Variants in IL34 observed in about 807,000 individuals in gnomAD.
IL34 encodes the protein interleukin 34.
A neutral mutation model predicts 25.3 loss-of-function variants in IL34; 17 were observed. The observed-to-expected ratio is 0.67, with a 90% CI of 0.46 to 1.01. The LOEUF (loss-of-function observed/expected upper bound fraction) is 1.01, where lower values mean the gene tolerates loss of function less well. Among genes scored for constraint, IL34 ranks in the 50% least tolerant of loss-of-function variants. The pLI is 0.00. For synonymous variants in IL34, 174 were observed against 140.9 expected, an observed-to-expected ratio of 1.23 and a Z score of -1.66; for missense variants, 368 against 312.9, an observed-to-expected ratio of 1.18 and a Z score of -1.33.
At chr16:70,648,093 C>T (rs1412245431) in intron 1 of IL34, among the ~76,000 whole-genome samples, 1 of 152,158 alleles carries the variant, frequency 6.6e-6, no homozygotes, top group Non-Finnish European at 1.5e-5. Context: ...AGTGTGCCTC[C>T]CTCCCCATAG....
chr16:70,589,490 A>G (rs2050728676), intron 1 of IL34, among the ~76,000 whole-genome samples: 1 of 152,030 alleles, frequency 6.6e-6, no homozygotes, highest in African/African-American at 2.4e-5. Context: ...AAAGTGCAGT[A>G]TTTGGTTTTC....
chr16:70,656,763 C>A, intron 3 of IL34, 84 bp downstream of exon 3: 2 of 951,360 alleles, frequency 2.1e-6, no homozygotes, highest in Non-Finnish European at 3.4e-6. Flanking sequence ...CTGGGACTGG[C>A]AGGTGGTGCT....
intron 1 of IL34, among the ~76,000 whole-genome samples, chr16:70,620,639 G>A (rs1479285551): frequency 6.6e-6 from 1 of 152,208 alleles, no homozygotes; most frequent in Non-Finnish European, 1.5e-5. Flanking sequence ...ATTGGGCACA[G>A]AGACTAGGAA....
Position 70,601,540 on chromosome 16 carries a change from T to C in IL34, c.-401+21491T>C, listed in dbSNP as rs371923493. ...AATTCTCCCACCTCAGCCTCATGAA[T>C]AGCTGGTACCACCCTGCCCGGCTAT... is the stretch of plus-strand genomic sequence containing the variant. On this transcript the variant is annotated intron_variant, in intron 1 of 6. Transcript: ENST00000429149. Among the ~76,000 whole-genome samples, 36 of 152,296 alleles carry C rather than the reference T, an allele frequency of 2.4e-4. No homozygotes were observed. The East Asian group carries it at 3.5e-3, about 15-fold the overall frequency.
Position 70,659,619 on chromosome 16 carries a change from A to C in IL34, c.404A>C (p.Asp135Ala). 2 of 1,605,294 alleles carry C rather than the reference A, an allele frequency of 1.2e-6. No individual in the cohort carries two copies. Among genetic ancestry groups the C allele is most frequent in the Non-Finnish European group, 1.7e-6 (2 of 1,173,780 alleles). ...LLLNVQQGLT[D>A]VEVSPKVESV... ...TCCTGACTGTTTCCTCCTTTCCAGGATGTGGAGGTCAGCCCCAAGGTGGAA... is the reference window on the plus strand; with the variant it reads ...TCCTGACTGTTTCCTCCTTTCCAGGCTGTGGAGGTCAGCCCCAAGGTGGAA... The change falls in exon 5 of 6, where the codon GAT (aspartate) becomes GCT (alanine). Residue 135 changes from aspartate to alanine, a missense_variant and splice_region_variant. Physicochemically the swap from Asp to Ala is moderately radical, Grantham distance 126. Coordinates refer to ENST00000288098, the MANE Select transcript of IL34 (RefSeq NM_001393494.1).
intron 4 of IL34, among the ~76,000 whole-genome samples, chr16:70,658,555 C>G (rs555335420): frequency 1.3e-4 from 20 of 152,066 alleles, no homozygotes; most frequent in Non-Finnish European, 2.6e-4. Context: ...AATCTTGGCT[C>G]ACTGCAACCT....
intron 1 of IL34, among the ~76,000 whole-genome samples, chr16:70,592,084 C>T (rs187061180): frequency 0.034 from 2,010 of 58,948 alleles, 35 homozygotes; most frequent in African/African-American, 0.11. Context: ...CCTTCTACTC[C>T]CCCCACCACC....
intron 5 of IL34, 40 bp downstream of exon 5, chr16:70,659,793 C>G: frequency 6.4e-7 from 1 of 1,573,598 alleles, no homozygotes; most frequent in Non-Finnish European, 8.7e-7. Flanking sequence ...GGGTGGGAGG[C>G]CAGGCATCTG....
chr16:70,599,452 G>T (rs1221173652), intron 1 of IL34, among the ~76,000 whole-genome samples: 3 of 151,042 alleles, frequency 2.0e-5, no homozygotes, highest in African/African-American at 4.9e-5. Flanking sequence ...TGCCTCCCGG[G>T]TTCAAGCGAT....
chr16:70,626,942 T>C (rs2151844888), intron 1 of IL34, among the ~76,000 whole-genome samples: 1 of 152,322 alleles, frequency 6.6e-6, no homozygotes, highest in Admixed American at 6.5e-5. Flanking sequence ...TTTCTGTTCA[T>C]GTTCATTCAA....
At chr16:70,625,884 A>T (rs576276886) in intron 1 of IL34, among the ~76,000 whole-genome samples, 32 of 152,200 alleles carry the variant, frequency 2.1e-4, no homozygotes, top group Non-Finnish European at 4.4e-4. Flanking sequence ...GAAATTGGTG[A>T]GATGTTTCTT....
chr16:70,656,374 C>T (rs760493898), intron 2 of IL34, among the ~76,000 whole-genome samples: 1 of 152,174 alleles, frequency 6.6e-6, no homozygotes, highest in South Asian at 2.1e-4. Context: ...AAAAAATCAT[C>T]TGGGCGTGGT....
At chr16:70,620,708 TACA>T (rs1294456834) in intron 1 of IL34, among the ~76,000 whole-genome samples, 4 of 140,560 alleles carry the variant, frequency 2.8e-5, no homozygotes, top group Non-Finnish European at 6.2e-5. Context: ...CTGCGTATTT[TACA>T]ACAAGAATTA....
intron 1 of IL34, among the ~76,000 whole-genome samples, chr16:70,621,588 G>A (rs1235550334): frequency 2.0e-5 from 3 of 152,098 alleles, no homozygotes; most frequent in Non-Finnish European, 2.9e-5. Context: ...GAGGTCCCCC[G>A]ATCCGAGTCA....
upstream of IL34, among the ~76,000 whole-genome samples, chr16:70,642,894 T>C (rs2051819692): frequency 6.6e-6 from 1 of 151,990 alleles, no homozygotes; most frequent in Non-Finnish European, 1.5e-5. Flanking sequence ...AGAAAGAATA[T>C]TAGTGGCTGC....
At chr16:70,645,017 G>A (rs1229304749), upstream of IL34, among the ~76,000 whole-genome samples, 7 of 144,440 alleles carry the variant, frequency 4.8e-5, no homozygotes, top group East Asian at 1.4e-3. Flanking sequence ...AGAGGAGGAA[G>A]GAGGAGAAGG....
chr16:70,614,183 CAAAAA>C (rs35356831), intron 1 of IL34, among the ~76,000 whole-genome samples: 1 of 131,130 alleles, frequency 7.6e-6, no homozygotes. Context: ...AACCCTGTCT[CAAAAA>C]AAAAAAAAAA....
chr16:70,647,633 A>C (rs2051972933), intron 1 of IL34, among the ~76,000 whole-genome samples: 2 of 152,158 alleles, frequency 1.3e-5, no homozygotes, highest in Admixed American at 6.5e-5. Flanking sequence ...GGTGCCTCCC[A>C]CGTGCCCACT....
At chr16:70,658,761 T>C (rs1237040894) in intron 4 of IL34, among the ~76,000 whole-genome samples, 1 of 152,150 alleles carries the variant, frequency 6.6e-6, no homozygotes, top group South Asian at 2.1e-4. Context: ...TGAACCACCA[T>C]TCCTGGCCGT....
Sources: gnomAD v4.1 joint callset for allele counts (sites outside exome capture counted in the v4.1 genomes callset) on GRCh38, gnomAD v4.1.1 for gene constraint, MANE v1.5 for transcripts, NCBI Gene and HGNC (gene_info 2026-07-23, HGNC 2026-07-21) for gene names.